Variants in SERPINE2 observed in about 807,000 individuals in gnomAD.
The protein encoded by SERPINE2 is serpin family E member 2, also known as glia-derived nexin.
SERPINE2 carries 14 observed loss-of-function variants against 36.3 expected under a neutral mutation model. The observed-to-expected ratio is 0.39, with a 90% CI of 0.25 to 0.60. SERPINE2 has a LOEUF of 0.60. Among genes scored for constraint, SERPINE2 ranks in the 20% least tolerant of loss-of-function variants. The probability of loss-of-function intolerance (pLI) is 0.57; values close to 1 mark genes in which losing one functional copy is unlikely to be tolerated. For missense variants in SERPINE2, 418 were observed against 499.6 expected (o/e 0.84, Z 1.56); for synonymous variants, 192 against 191.8 (o/e 1.00, Z -0.01).
At chr2:224,027,730 G>A (rs1325647680) in intron 1 of SERPINE2, among the ~76,000 whole-genome samples, 1 of 152,032 alleles carries the variant, frequency 6.6e-6, no homozygotes. Flanking sequence ...ATCTCAAATT[G>A]TTATTAAATA....
intron 1 of SERPINE2, chr2:224,010,491 G>C (rs1691589620): frequency 2.5e-6 from 1 of 398,748 alleles, no homozygotes; most frequent in South Asian, 1.0e-4. Context: ...GATGGGAAAA[G>C]GCTAGGGGGA....
intron 4 of SERPINE2, among the ~76,000 whole-genome samples, chr2:223,989,956 G>A (rs1690589637): frequency 6.6e-6 from 1 of 152,166 alleles, no homozygotes; most frequent in Non-Finnish European, 1.5e-5. Context: ...GAAACGGTGG[G>A]CACCATGGCT....
At chr2:224,014,915 G>A (rs1195540970) in intron 1 of SERPINE2, among the ~76,000 whole-genome samples, 1 of 152,254 alleles carries the variant, frequency 6.6e-6, no homozygotes, top group Non-Finnish European at 1.5e-5. Context: ...ACCTCTCAGA[G>A]TCTCAAGGCA....
At chr2:224,005,276 T>C (rs901436684) in intron 1 of SERPINE2, among the ~76,000 whole-genome samples, 1 of 151,686 alleles carries the variant, frequency 6.6e-6, no homozygotes, top group African/African-American at 2.4e-5. Context: ...AAAGCTGTTA[T>C]GGGTGTTTTT....
intron 3 of SERPINE2, among the ~76,000 whole-genome samples, chr2:223,995,228 G>A (rs1342551365): frequency 2.0e-5 from 3 of 152,142 alleles, no homozygotes; most frequent in Admixed American, 6.5e-5. Flanking sequence ...AGGCCTGCGC[G>A]TTGGGCTCTC....
At chr2:224,028,949 C>T (rs1559221656) in intron 1 of SERPINE2, among the ~76,000 whole-genome samples, 5 of 152,196 alleles carry the variant, frequency 3.3e-5, no homozygotes, top group South Asian at 2.1e-4. Context: ...TTGCCCCACT[C>T]GTAGAAATTT....
intron 7 of SERPINE2, chr2:223,978,587 A>T (rs1324907666): frequency 1.3e-5 from 2 of 152,190 alleles, no homozygotes; most frequent in South Asian, 2.1e-4. Context: ...CCATTTAATA[A>T]GCCTGAACCA....
chr2:224,029,480 G>C lies in SERPINE2; in HGVS notation c.-23+9619C>G, dbSNP rs142268575. ...CTTAGAACTCTTTTGCATATTGACG[G>C]AATCAAATCATAATTAAATGACCAT... On this transcript the variant is annotated intron_variant, in intron 1 of 8. Coordinates refer to ENST00000409304, the MANE Select transcript of SERPINE2 (RefSeq NM_001136528.2). Among the ~76,000 whole-genome samples, 744 of 152,250 alleles carry C rather than the reference G, an allele frequency of 4.9e-3. 8 individuals are homozygous for C. Among genetic ancestry groups the C allele is most frequent in the South Asian group, 7.7e-3 (37 of 4,822 alleles).
chr2:224,026,229 C>T (rs751327007), intron 1 of SERPINE2, among the ~76,000 whole-genome samples: 2 of 152,172 alleles, frequency 1.3e-5, no homozygotes, highest in African/African-American at 4.8e-5. Context: ...ACGCCCACTT[C>T]GGGCTTTATA....
At chr2:224,012,446 G>A (rs1691661507) in intron 1 of SERPINE2, among the ~76,000 whole-genome samples, 1 of 151,984 alleles carries the variant, frequency 6.6e-6, no homozygotes, top group African/African-American at 2.4e-5. Flanking sequence ...ATTATACACA[G>A]GCACAAATTA....
intron 4 of SERPINE2, among the ~76,000 whole-genome samples, chr2:223,987,557 AACGTAAGTATAATAGGTTGATTC>A (rs1337321199): frequency 6.6e-6 from 1 of 152,234 alleles, no homozygotes; most frequent in African/African-American, 2.4e-5. Context: ...AGTGTATAAA[AACGTAAGTATAATAGGTTGATTC>A]ATTCTGAAAA....
At chr2:224,034,097 C>T (rs1465241828) in intron 1 of SERPINE2, among the ~76,000 whole-genome samples, 1 of 152,136 alleles carries the variant, frequency 6.6e-6, no homozygotes, top group East Asian at 1.9e-4. Context: ...TGTTAATTGC[C>T]TTTGGGCCAC....
At chr2:224,005,795 T>C (rs1200874808) in intron 1 of SERPINE2, among the ~76,000 whole-genome samples, 1 of 152,184 alleles carries the variant, frequency 6.6e-6, no homozygotes, top group East Asian at 1.9e-4. Context: ...AGCAACAAGA[T>C]GGAAGATTAT....
chr2:224,038,459 A>G (rs1429730926), intron 1 of SERPINE2: 4 of 1,547,304 alleles, frequency 2.6e-6, no homozygotes, highest in Non-Finnish European at 3.5e-6. Context: ...AATTCCTTCC[A>G]GAATTTCTGA....
At chr2:223,977,835 T>G in intron 7 of SERPINE2, 1 of 518,620 alleles carries the variant, frequency 1.9e-6, no homozygotes, top group South Asian at 2.2e-5. Flanking sequence ...CATTACTCTC[T>G]CATGTCTTCT....
chr2:224,023,068 T>C (rs1692065795), intron 1 of SERPINE2, among the ~76,000 whole-genome samples: 1 of 152,200 alleles, frequency 6.6e-6, no homozygotes, highest in Non-Finnish European at 1.5e-5. Context: ...CCTCTTTCCT[T>C]AATAAATTAC....
At chr2:224,036,730 G>C (rs1209407400) in intron 1 of SERPINE2, among the ~76,000 whole-genome samples, 1 of 152,020 alleles carries the variant, frequency 6.6e-6, no homozygotes, top group Non-Finnish European at 1.5e-5. Context: ...GAGCTGAACA[G>C]GAAGGGCAGA....
intron 1 of SERPINE2, chr2:224,030,820 G>T: frequency 3.4e-6 from 1 of 295,258 alleles, no homozygotes; most frequent in Non-Finnish European, 5.0e-6. Flanking sequence ...GTTTTATCCA[G>T]CTCAGCTTAA....
intron 1 of SERPINE2, among the ~76,000 whole-genome samples, chr2:224,003,024 G>A (rs1691247347): frequency 6.6e-6 from 1 of 152,084 alleles, no homozygotes; most frequent in South Asian, 2.1e-4. Flanking sequence ...ACAGGGATGC[G>A]AGCAGATGAG....
Sources: gnomAD v4.1 joint callset for allele counts (sites outside exome capture counted in the v4.1 genomes callset) on GRCh38, gnomAD v4.1.1 for gene constraint, MANE v1.5 for transcripts, NCBI Gene and HGNC (gene_info 2026-07-23, HGNC 2026-07-21) for gene names.